Variants in TRDMT1 observed in about 807,000 individuals in gnomAD.
TRDMT1 encodes the protein tRNA (cytosine(38)-C(5))-methyltransferase.
TRDMT1 carries 49 observed loss-of-function variants against 51.2 expected under a neutral mutation model. That is an observed-to-expected ratio of 0.96 (90% CI 0.76 to 1.21). The LOEUF (loss-of-function observed/expected upper bound fraction) is 1.21. Among genes scored for constraint, TRDMT1 ranks in the 50% most tolerant of loss-of-function variants. The probability of loss-of-function intolerance (pLI) is 0.00; values close to 1 mark genes in which losing one functional copy is unlikely to be tolerated. For synonymous variants in TRDMT1, 187 were observed against 164.6 expected (o/e 1.14, Z -1.04); for missense variants, 534 against 462.3 (o/e 1.16, Z -1.42).
chr10:17,198,388 A>G (rs1845727583), intron 1 of TRDMT1, among the ~76,000 whole-genome samples: 1 of 152,268 alleles, frequency 6.6e-6, no homozygotes, highest in Non-Finnish European at 1.5e-5. Context: ...TCAGCAGGTA[A>G]TTGATACAAC....
At chr10:17,151,384 C>A in intron 10 of TRDMT1, 1 of 984,716 alleles carries the variant, frequency 1.0e-6, no homozygotes, top group Non-Finnish European at 1.2e-6. Context: ...AGCCCGCTAC[C>A]GCAGAATACA....
rs1330761258 is a variant in TRDMT1, at chr10:17,148,739, T to A, written c.*301A>T. The A allele has an allele frequency of 3.1e-5, 32 of 1,020,184 alleles. No homozygotes were observed. The highest frequency in any genetic ancestry group is 3.6e-5 in the Non-Finnish European group (31 of 851,564). The allele number at this position is 1,020,184 out of a possible 1,614,324, so 63.2% of individuals were successfully genotyped here. On this transcript the variant is annotated 3_prime_UTR_variant, in exon 11 of 11. Transcript: ENST00000377799. ...GATACTCATGTAGACACTAAAGCTCTAGTGCTCCTTGATTTGTTTATAAAA... is the reference window on the plus strand; with the variant it reads ...GATACTCATGTAGACACTAAAGCTCAAGTGCTCCTTGATTTGTTTATAAAA...
At chr10:17,163,995 G>A (rs2131450756) in intron 3 of TRDMT1, among the ~76,000 whole-genome samples, 1 of 152,214 alleles carries the variant, frequency 6.6e-6, no homozygotes, top group African/African-American at 2.4e-5. Flanking sequence ...AGAAAAAGAG[G>A]GAATCCTCCC....
intron 1 of TRDMT1, among the ~76,000 whole-genome samples, chr10:17,194,750 T>C (rs1845150822): frequency 6.6e-6 from 1 of 151,950 alleles, no homozygotes; most frequent in Non-Finnish European, 1.5e-5. Context: ...CTGGTCAACA[T>C]GGTGAAACCC....
At chr10:17,183,040 T>A (rs1308286464) in intron 1 of TRDMT1, among the ~76,000 whole-genome samples, 1 of 152,224 alleles carries the variant, frequency 6.6e-6, no homozygotes, top group Non-Finnish European at 1.5e-5. Context: ...ATAATTCTTC[T>A]GATTATTAGA....
At chr10:17,197,539 A>G (rs1845614187) in intron 1 of TRDMT1, among the ~76,000 whole-genome samples, 1 of 152,216 alleles carries the variant, frequency 6.6e-6, no homozygotes, top group Non-Finnish European at 1.5e-5. Flanking sequence ...GTTGCTAAAG[A>G]AATTAAATAT....
chr10:17,153,774 T>C, intron 9 of TRDMT1, 138 bp from the exon 10 acceptor site: 17 of 789,686 alleles, frequency 2.2e-5, no homozygotes, highest in Non-Finnish European at 3.3e-5. Context: ...GCAAAATGGC[T>C]CTGTGCAATA....
At chr10:17,192,128 G>A (rs1044682494) in intron 1 of TRDMT1, among the ~76,000 whole-genome samples, 2 of 152,150 alleles carry the variant, frequency 1.3e-5, no homozygotes, top group Non-Finnish European at 2.9e-5. Context: ...AGGTGGTAAA[G>A]GTGAAAATGG....
rs188059742 is a variant in TRDMT1 at position 17,137,992 on chromosome 10, T to C, written c.*11048A>G. Among the ~76,000 whole-genome samples, 215 of 152,272 alleles carry C rather than the reference T, an allele frequency of 1.4e-3. 2 individuals are homozygous for C. Among genetic ancestry groups the C allele is most frequent in the Non-Finnish European group, 1.2e-3 (81 of 68,024 alleles). On this transcript the variant is annotated 3_prime_UTR_variant, in exon 11 of 11. Transcript: ENST00000377799. ...TAGGGGGATGTTCTTTTATCTTGAG[T>C]GCAATAATCCTTATGTGATATTTCT...
rs1837998208 is a variant in TRDMT1, at chr10:17,145,240, C to T, written c.*3800G>A. ...CCAGCCTAGGCAACAGAGCGAGACTCAGTCTCAAAAACAAAACAAAACAAA... is the reference window on the plus strand; with the variant it reads ...CCAGCCTAGGCAACAGAGCGAGACTTAGTCTCAAAAACAAAACAAAACAAA... On this transcript the variant is annotated 3_prime_UTR_variant, in exon 11 of 11. Transcript: ENST00000377799. 1.1e-5 allele frequency: 2 copies of T among 177,928 alleles called. No homozygotes were observed. Among genetic ancestry groups the T allele is most frequent in the Non-Finnish European group, 1.7e-5 (2 of 119,884 alleles). The allele number at this position is 177,928 out of a possible 1,614,324, so 11.0% of individuals were successfully genotyped here.
intron 3 of TRDMT1, among the ~76,000 whole-genome samples, chr10:17,162,933 AAC>A (rs146122310): frequency 2.6e-5 from 4 of 152,222 alleles, no homozygotes; most frequent in African/African-American, 9.6e-5. Flanking sequence ...TGTTTAGGAA[AAC>A]ACACACACAT....
chr10:17,139,815 A>T lies in TRDMT1; in HGVS notation c.*9225T>A, dbSNP rs11254391. Among the ~76,000 whole-genome samples, 67 of 152,016 alleles carry T rather than the reference A, an allele frequency of 4.4e-4. 1 individual carries two copies. In the East Asian group the frequency reaches 0.012, roughly 28 times the overall value. ...CATCAATGGCAGAAAGGATGAGATG[A>T]CCTCACTTCTGTCTTTTTCAATGCC... On this transcript the variant is annotated 3_prime_UTR_variant, in exon 11 of 11. Coordinates refer to ENST00000377799, the MANE Select transcript of TRDMT1 (RefSeq NM_004412.7).
chr10:17,148,525 A>G lies in TRDMT1; in HGVS notation c.*515T>C. 1 of 985,402 alleles carries G rather than the reference A, an allele frequency of 1.0e-6. No homozygotes were observed. Among genetic ancestry groups the G allele is most frequent in the Non-Finnish European group, 1.2e-6 (1 of 829,912 alleles). The allele number at this position is 985,402 out of a possible 1,614,324, so 61.0% of individuals were successfully genotyped here. On this transcript the variant is annotated 3_prime_UTR_variant, in exon 11 of 11. Coordinates refer to ENST00000377799, the MANE Select transcript of TRDMT1 (RefSeq NM_004412.7). ...ACATATTCTTCAGTCTGCTGTATAAACTGAATGATGATAATTTGGTTTACA... is the reference window on the plus strand; with the variant it reads ...ACATATTCTTCAGTCTGCTGTATAAGCTGAATGATGATAATTTGGTTTACA...
rs766378387 is a variant in TRDMT1 at position 17,146,640 on chromosome 10, G to T, written c.*2400C>A. 7.1e-4 allele frequency: 698 copies of T among 985,180 alleles called. No homozygotes were observed. The highest frequency in any genetic ancestry group is 8.1e-4 in the Non-Finnish European group (669 of 829,894). 61.0% of individuals were successfully genotyped at this position (985,180 alleles called of 1,614,324 possible). ...ATGGGAAAAGGAGAACGAAAAATCG[G>T]TTTACTGTAAGGTATGGTGAAGACT... On this transcript the variant is annotated 3_prime_UTR_variant, in exon 11 of 11. Coordinates refer to ENST00000377799, the MANE Select transcript of TRDMT1 (RefSeq NM_004412.7).
rs1433934527 is a variant in TRDMT1, at chr10:17,139,335, G to A, written c.*9705C>T. 2.5e-6 allele frequency: 1 copy of A among 392,760 alleles called. No homozygotes were observed. Among genetic ancestry groups the A allele is most frequent in the Non-Finnish European group, 3.5e-6 (1 of 288,260 alleles). 24.3% of individuals were successfully genotyped at this position (392,760 alleles called of 1,614,324 possible). On this transcript the variant is annotated 3_prime_UTR_variant, in exon 11 of 11. Transcript: ENST00000377799. ...TCTGATTGCACTCAGACTTCAGCATGAATGACAGAAGAAATGTAGGTGGTA... is the reference window on the plus strand; with the variant it reads ...TCTGATTGCACTCAGACTTCAGCATAAATGACAGAAGAAATGTAGGTGGTA...
intron 1 of TRDMT1, chr10:17,201,144 C>T (rs1846100378): frequency 5.8e-6 from 1 of 172,280 alleles, no homozygotes; most frequent in Non-Finnish European, 1.2e-5. Flanking sequence ...CATCTCTCAC[C>T]AGGGGAGCCC....
intron 1 of TRDMT1, among the ~76,000 whole-genome samples, chr10:17,197,374 AG>A: frequency 6.6e-6 from 1 of 152,332 alleles, no homozygotes; most frequent in South Asian, 2.1e-4. Context: ...ATGGGAAAAT[AG>A]ATATAAATAA....
intron 1 of TRDMT1, among the ~76,000 whole-genome samples, chr10:17,192,007 G>C (rs138778009): frequency 1.3e-3 from 191 of 152,306 alleles, no homozygotes; most frequent in Middle Eastern, 0.01. Flanking sequence ...GGTGGCATTA[G>C]TCAGGGTGTG....
intron 3 of TRDMT1, among the ~76,000 whole-genome samples, chr10:17,162,619 G>C (rs1210740550): frequency 6.6e-6 from 1 of 152,060 alleles, no homozygotes; most frequent in Non-Finnish European, 1.5e-5. Flanking sequence ...GAGGTGGGCA[G>C]AACACTTGAG....
Sources: allele counts gnomAD v4.1 joint callset (sites outside exome capture counted in the v4.1 genomes callset), GRCh38; gene constraint gnomAD v4.1.1; transcripts MANE v1.5; gene names NCBI Gene and HGNC (gene_info 2026-07-23, HGNC 2026-07-21).